The following SMIM23 variants were observed in gnomAD, a reference collection of about 807,000 sequenced individuals.
SMIM23 encodes the protein small integral membrane protein 23, also known as CTB-78H18.1.
A neutral mutation model predicts 12.8 loss-of-function variants in SMIM23; 10 were observed. The ratio of observed to expected loss-of-function variants is 0.78; its 90% CI spans 0.48 to 1.32. SMIM23 has a LOEUF of 1.32. SMIM23 is among the 40% of genes most tolerant of loss of function. SMIM23 has a pLI of 0.00. For missense variants in SMIM23, 184 were observed against 198.2 expected, an observed-to-expected ratio of 0.93 and a Z score of 0.43; for synonymous variants, 78 against 80.1, an observed-to-expected ratio of 0.97 and a Z score of 0.14.
chr5:171,783,189 T>C (rs1755756944), upstream of SMIM23, among the ~76,000 whole-genome samples: 2 of 152,204 alleles, frequency 1.3e-5, no homozygotes, highest in African/African-American at 2.4e-5. Flanking sequence ...AGAAGCATAC[T>C]GTGTTCCTGG....
the SMIM23 span, among the ~76,000 whole-genome samples, chr5:171,773,362 G>A: frequency 8.0e-5 from 3 of 37,528 alleles, no homozygotes; most frequent in Non-Finnish European, 4.9e-5. Flanking sequence ...CACTGGAGAT[G>A]CACGACCTTT....
intron 2 of SMIM23, 74 bp downstream of exon 2, chr5:171,790,355 G>A: frequency 6.6e-7 from 1 of 1,516,176 alleles, no homozygotes; most frequent in Non-Finnish European, 8.9e-7. Flanking sequence ...AAAGATGGTT[G>A]TATGTTAAGG....
chr5:171,774,527 G>T, the SMIM23 span: 1 of 456,084 alleles, frequency 2.2e-6, no homozygotes, highest in South Asian at 1.5e-5. Context: ...GCAGTCCCAC[G>T]CCCCTTGTGG....
At position 171,790,797 on chromosome 5, in the gene SMIM23, G is replaced by A. The variant is rs1049305209; in HGVS notation, c.228G>A (p.Gly76=). 4 of 1,536,006 alleles carry A rather than the reference G, an allele frequency of 2.6e-6. No individual in the cohort carries two copies. In the African/African-American group the frequency reaches 5.5e-5, roughly 21 times the overall value. Residue 76 remains glycine (G), a splice_region_variant and synonymous_variant, in exon 4 of 4, where the codon GGG becomes GGA. Transcript: ENST00000523047. ...NYYQNLAVPQ[G]LEYQTNEPSE... Reference sequence around the variant, plus strand: ...CCACTTCTGTGTCTGCCTTCCAGGGGCTTGAATATCAGACCAACGAGCCCT... The same window carrying A: ...CCACTTCTGTGTCTGCCTTCCAGGGACTTGAATATCAGACCAACGAGCCCT...
At chr5:171,778,464 C>G (rs1755675487), upstream of SMIM23, among the ~76,000 whole-genome samples, 1 of 147,386 alleles carries the variant, frequency 6.8e-6, no homozygotes, top group South Asian at 2.2e-4. Flanking sequence ...CACACACACA[C>G]ACACACACAC....
chr5:171,782,782 A>G (rs956951482), upstream of SMIM23: 44 of 152,210 alleles, frequency 2.9e-4, no homozygotes, highest in African/African-American at 1.1e-3. Context: ...AACATTTACT[A>G]TGTAACGGGC....
At chr5:171,776,758 C>T in the SMIM23 span, among the ~76,000 whole-genome samples, 7 of 152,144 alleles carry the variant, frequency 4.6e-5, no homozygotes, top group Non-Finnish European at 8.8e-5. Context: ...CGGGAGCAAG[C>T]GAACTGAGGA....
At chr5:171,779,309 G>A (rs900752494), upstream of SMIM23, among the ~76,000 whole-genome samples, 1 of 152,102 alleles carries the variant, frequency 6.6e-6, no homozygotes, top group Non-Finnish European at 1.5e-5. Flanking sequence ...TTATGATTTT[G>A]CCATGGTCCC....
upstream of SMIM23, among the ~76,000 whole-genome samples, chr5:171,781,941 A>AAACGGCCC (rs1755735595): frequency 6.6e-6 from 1 of 152,232 alleles, no homozygotes; most frequent in Admixed American, 6.5e-5. Context: ...TAAAAGATGT[A>AAACGGCCC]AATGGCCCAA....
chr5:171,776,751 G>GAGCAAGCGAACTGAGGAATTCAAC, the SMIM23 span, among the ~76,000 whole-genome samples: 3 of 152,154 alleles, frequency 2.0e-5, no homozygotes, highest in Non-Finnish European at 2.9e-5. Flanking sequence ...TTGGATTCGG[G>GAGCAAGCGAACTGAGGAATTCAAC]AGCAAGCGAA....
upstream of SMIM23, among the ~76,000 whole-genome samples, chr5:171,780,565 T>C (rs1755710152): frequency 1.3e-5 from 2 of 152,232 alleles, no homozygotes; most frequent in South Asian, 4.1e-4. Context: ...TTTTTTTTAC[T>C]GTAATTCATT....
upstream of SMIM23, among the ~76,000 whole-genome samples, chr5:171,781,642 T>C (rs1054568959): frequency 6.6e-6 from 1 of 152,104 alleles, no homozygotes. Context: ...TGGATATTTA[T>C]CCCAGACAAC....
At chr5:171,774,814 C>A in the SMIM23 span, 2 of 357,364 alleles carry the variant, frequency 5.6e-6, no homozygotes, top group Non-Finnish European at 5.5e-6. Flanking sequence ...CAAACTGGCT[C>A]AAGGTCTGTG....
At chr5:171,774,930 G>A in the SMIM23 span, among the ~76,000 whole-genome samples, 4 of 152,138 alleles carry the variant, frequency 2.6e-5, no homozygotes, top group Non-Finnish European at 5.9e-5. Flanking sequence ...AGGCCCCTCA[G>A]GAGACCCCAG....
the SMIM23 span, among the ~76,000 whole-genome samples, chr5:171,775,140 C>T: frequency 6.6e-6 from 1 of 152,246 alleles, no homozygotes; most frequent in African/African-American, 2.4e-5. Flanking sequence ...CAAATAGACA[C>T]TGAGCCCTCA....
At chr5:171,776,050 T>C in the SMIM23 span, among the ~76,000 whole-genome samples, 1 of 152,174 alleles carries the variant, frequency 6.6e-6, no homozygotes, top group Admixed American at 6.5e-5. Context: ...TTTGTATTTT[T>C]AGTAGATACG....
At chr5:171,775,355 T>C in the SMIM23 span, among the ~76,000 whole-genome samples, 1 of 151,768 alleles carries the variant, frequency 6.6e-6, no homozygotes, top group Non-Finnish European at 1.5e-5. Context: ...TCCCCCTCCT[T>C]CGGGCCCTGC....
At chr5:171,784,391 G>C (rs1755777473), upstream of SMIM23, among the ~76,000 whole-genome samples, 1 of 152,088 alleles carries the variant, frequency 6.6e-6, no homozygotes, top group South Asian at 2.1e-4. Flanking sequence ...TGTAGTCCCA[G>C]ATACTCGGGA....
upstream of SMIM23, among the ~76,000 whole-genome samples, chr5:171,778,356 CAAA>C (rs532519209): frequency 8.6e-6 from 1 of 116,630 alleles, no homozygotes. Flanking sequence ...GACTCCATCT[CAAA>C]AAAAAAAAAA....
Sources: allele counts gnomAD v4.1 joint callset (sites outside exome capture counted in the v4.1 genomes callset), GRCh38; gene constraint gnomAD v4.1.1; transcripts MANE v1.5; gene names NCBI Gene and HGNC (gene_info 2026-07-23, HGNC 2026-07-21).